COG4: variants seen among roughly 807,000 people sequenced by gnomAD.
COG4 encodes conserved oligomeric Golgi complex subunit 4.
COG4 carries 65 observed loss-of-function variants against 95.1 expected under a neutral mutation model. That is an observed-to-expected ratio of 0.68 (90% CI 0.56 to 0.84). COG4 has a LOEUF of 0.84. Ranked by LOEUF, COG4 falls within the 40% of genes least tolerant of loss-of-function variation. COG4 has a pLI of 0.00. For missense variants in COG4, 1,045 were observed against 989.1 expected, an observed-to-expected ratio of 1.06 and a Z score of -0.76; for synonymous variants, 421 against 374.8, an observed-to-expected ratio of 1.12 and a Z score of -1.42.
At chr16:70,488,639 C>T (rs1055976751) in intron 13 of COG4, among the ~76,000 whole-genome samples, 7 of 152,100 alleles carry the variant, frequency 4.6e-5, no homozygotes, top group East Asian at 1.9e-4. Context: ...CCTCCACCTC[C>T]GGGGTTCAAA....
chr16:70,508,323 C>T (rs2049622100), intron 8 of COG4, 83 bp downstream of exon 8: 2 of 1,139,600 alleles, frequency 1.8e-6, no homozygotes, highest in Non-Finnish European at 2.7e-6. Context: ...ACATAGACCA[C>T]ATTGTAACAG....
At position 70,497,944 on chromosome 16, in the gene COG4, A is replaced by T; in HGVS notation, c.1307T>A (p.Val436Asp). 6.3e-7 allele frequency: 1 copy of T among 1,574,972 alleles called. No homozygotes were observed. The highest frequency in any genetic ancestry group is 8.7e-7 in the Non-Finnish European group (1 of 1,144,400). ...TMEEYFMRET[V>D]NKAVALDTYE... ...ATGCGTCCTATGTCCTACCTTATTG[A>T]CAGTCTCCCTCATGAAGTACTCCTC... Residue 436 changes from valine (V) to aspartate (D), a missense_variant, in exon 10 of 19, where the codon GTC becomes GAC. By Grantham distance (152) the Val-to-Asp change is radical. Coordinates refer to ENST00000323786, the MANE Select transcript of COG4 (RefSeq NM_015386.3).
chr16:70,509,729 C>A, intron 6 of COG4, 187 bp downstream of exon 6: 1 of 638,282 alleles, frequency 1.6e-6, no homozygotes, highest in Non-Finnish European at 2.8e-6. Flanking sequence ...GATCAAAACA[C>A]TGGAGAGACT....
chr16:70,509,530 A>T (rs1188234171), intron 6 of COG4, 142 bp from the exon 7 acceptor site: 4 of 922,992 alleles, frequency 4.3e-6, no homozygotes, highest in Non-Finnish European at 6.9e-6. Context: ...AGGCCTAGTC[A>T]ATGCTAGGGG....
intron 16 of COG4, 42 bp from the exon 17 acceptor site, chr16:70,481,907 C>G (rs1280628328): frequency 6.5e-7 from 1 of 1,549,160 alleles, no homozygotes; most frequent in Admixed American, 1.7e-5. Context: ...CCACCTAACT[C>G]CTCTGCCTCT....
rs1349702038 is a variant in COG4, at chr16:70,523,105, C to G, written c.171+268G>C. ...GACTAACTTTACTCCCGTGGAGAAACTGGTGATCATGGATCAGGGAAATCA... is the reference window on the plus strand; with the variant it reads ...GACTAACTTTACTCCCGTGGAGAAAGTGGTGATCATGGATCAGGGAAATCA... On this transcript the variant is annotated intron_variant, in intron 1 of 18. Transcript: ENST00000323786. 9.5e-6 allele frequency: 5 copies of G among 523,690 alleles called. No homozygotes were observed. The East Asian group carries it at 1.0e-4, about 11-fold the overall frequency. The allele number at this position is 523,690 out of a possible 1,614,324, so 32.4% of individuals were successfully genotyped here.
chr16:70,520,106 A>G (rs1261762872), intron 1 of COG4, among the ~76,000 whole-genome samples: 1 of 152,052 alleles, frequency 6.6e-6, no homozygotes, highest in Non-Finnish European at 1.5e-5. Context: ...GTTCATGACC[A>G]GCCTGGCCAC....
intron 3 of COG4, among the ~76,000 whole-genome samples, chr16:70,517,414 C>G (rs1358015644): frequency 6.6e-6 from 1 of 151,232 alleles, no homozygotes; most frequent in Non-Finnish European, 1.5e-5. Flanking sequence ...ATGGCAAAAC[C>G]CCATCTCTAC....
chr16:70,482,903 C>G, intron 14 of COG4, 82 bp from the exon 15 acceptor site: 2 of 1,032,732 alleles, frequency 1.9e-6, no homozygotes, highest in Non-Finnish European at 1.5e-6. Flanking sequence ...TCCCTTCCCT[C>G]TATCCTCTCC....
At chr16:70,484,410 G>A (rs1490631573) in intron 13 of COG4, among the ~76,000 whole-genome samples, 1 of 152,118 alleles carries the variant, frequency 6.6e-6, no homozygotes, top group African/African-American at 2.4e-5. Flanking sequence ...AGCTATTATT[G>A]CTATAGTTCC....
chr16:70,483,861 G>A lies in COG4; in HGVS notation c.1819C>T (p.Leu607Phe), dbSNP rs2049067421. ...TTGAACCTGGGGCTTACCTGCAAGA[G>A]GTCTCGGAATTTGTTGGACACGGCG... ...LAAVSNKFRD[L>F]LQEGLTELNS... Residue 607 changes from leucine (L) to phenylalanine (F), a missense_variant, in exon 14 of 19, where the codon CTC becomes TTC. By Grantham distance (22) the Leu-to-Phe change is conservative. Transcript: ENST00000323786. The A allele has an allele frequency of 5.6e-6, 9 of 1,612,602 alleles. No individual in the cohort carries two copies. The highest frequency in any genetic ancestry group is 7.6e-6 in the Non-Finnish European group (9 of 1,179,154).
intron 7 of COG4, chr16:70,509,016 C>A: frequency 1.6e-6 from 1 of 621,780 alleles, no homozygotes; most frequent in Non-Finnish European, 2.8e-6. Context: ...TTTTTATTTC[C>A]GTTTTGGTCT....
Position 70,500,921 on chromosome 16 carries a change from C to T in COG4, c.1195+37G>A, listed in dbSNP as rs187257512. The T allele has an allele frequency of 2.4e-5, 39 of 1,613,348 alleles. No individual in the cohort carries two copies. The African/African-American group carries it at 4.8e-4, about 20-fold the overall frequency. On this transcript the variant is annotated intron_variant, in intron 9 of 18. Transcript: ENST00000323786. ...CTATTAAGAAACACTGCCAATTATA[C>T]CTCAACCCTCCCCAAAAATATGGGA...
chr16:70,490,425 T>A, intron 12 of COG4, 33 bp from the exon 13 acceptor site: 1 of 1,583,354 alleles, frequency 6.3e-7, no homozygotes, highest in Non-Finnish European at 8.7e-7. Context: ...CGTGACTTCC[T>A]GCTGACTGTG....
chr16:70,485,556 G>T (rs2049111645), intron 13 of COG4, among the ~76,000 whole-genome samples: 1 of 149,484 alleles, frequency 6.7e-6, no homozygotes, highest in African/African-American at 2.5e-5. Context: ...TCTAGGCCAG[G>T]TATTCTGACT....
chr16:70,493,181 T>A (rs1471037188), intron 12 of COG4, among the ~76,000 whole-genome samples: 2 of 152,180 alleles, frequency 1.3e-5, no homozygotes, highest in Non-Finnish European at 2.9e-5. Context: ...CTCACTGTCC[T>A]ATTTGATATT....
intron 11 of COG4, among the ~76,000 whole-genome samples, chr16:70,496,862 C>T (rs2049350445): frequency 6.6e-6 from 1 of 152,178 alleles, no homozygotes; most frequent in African/African-American, 2.4e-5. Context: ...ACAGAGCTAA[C>T]AGTTCCTACT....
At chr16:70,510,495 T>A (rs983362205) in intron 5 of COG4, among the ~76,000 whole-genome samples, 3 of 150,884 alleles carry the variant, frequency 2.0e-5, no homozygotes, top group Admixed American at 2.0e-4. Flanking sequence ...GCTAATTTTT[T>A]AAAAATTTCT....
At chr16:70,500,620 C>G (rs1357835429) in intron 9 of COG4, among the ~76,000 whole-genome samples, 2 of 152,026 alleles carry the variant, frequency 1.3e-5, no homozygotes, top group Admixed American at 1.3e-4. Flanking sequence ...CTCAGTCTCC[C>G]AAAGTGCTGG....
Sources: allele counts gnomAD v4.1 joint callset (sites outside exome capture counted in the v4.1 genomes callset), GRCh38; gene constraint gnomAD v4.1.1; transcripts MANE v1.5; gene names NCBI Gene and HGNC (gene_info 2026-07-23, HGNC 2026-07-21).